Variants in RPH3AL observed in about 807,000 individuals in gnomAD.
The protein encoded by RPH3AL is rab effector Noc2.
A neutral mutation model predicts 43.1 loss-of-function variants in RPH3AL; 38 were observed. That is an observed-to-expected ratio of 0.88 (90% confidence interval 0.68 to 1.15). RPH3AL has a LOEUF of 1.15. RPH3AL is among the 50% of genes most tolerant of loss of function. The probability of loss-of-function intolerance (pLI) is 0.00; values close to 1 mark genes in which losing one functional copy is unlikely to be tolerated. For missense variants in RPH3AL, 462 were observed against 423.2 expected, an observed-to-expected ratio of 1.09 and a Z score of -0.81; for synonymous variants, 189 against 176.3, an observed-to-expected ratio of 1.07 and a Z score of -0.57.
At chr17:253,104 G>C (rs782489080) in intron 6 of RPH3AL, among the ~76,000 whole-genome samples, 5 of 152,170 alleles carry the variant, frequency 3.3e-5, no homozygotes, top group Admixed American at 6.5e-5. Context: ...ATCGGGGAAG[G>C]TTCCCAGGGA....
chr17:269,074 T>C (rs568885577), intron 6 of RPH3AL, among the ~76,000 whole-genome samples: 1 of 152,138 alleles, frequency 6.6e-6, no homozygotes, highest in Non-Finnish European at 1.5e-5. Context: ...GAGACGGGGT[T>C]TCACCGTGTT....
intron 5 of RPH3AL, among the ~76,000 whole-genome samples, chr17:292,112 G>GT (rs1332593131): frequency 1.3e-5 from 2 of 152,192 alleles, no homozygotes; most frequent in African/African-American, 4.8e-5. Flanking sequence ...GACAGCCACA[G>GT]TGGCTGACTG....
intron 6 of RPH3AL, among the ~76,000 whole-genome samples, chr17:269,180 T>C (rs1039701931): frequency 1.3e-5 from 2 of 151,732 alleles, no homozygotes; most frequent in African/African-American, 2.4e-5. Flanking sequence ...GCCTGGCCGA[T>C]TTTTTATTTT....
intron 6 of RPH3AL, among the ~76,000 whole-genome samples, chr17:268,566 T>TG (rs2042378824): frequency 7.4e-6 from 1 of 135,662 alleles, no homozygotes; most frequent in East Asian, 2.1e-4. Flanking sequence ...TTTTTTTTTT[T>TG]TTTTTTTTTT....
intron 2 of RPH3AL, chr17:332,942 G>C: frequency 8.9e-7 from 1 of 1,123,950 alleles, no homozygotes; most frequent in Non-Finnish European, 1.2e-6. Flanking sequence ...GGGGTACAGG[G>C]AACGGAACAG....
chr17:243,065 TATTG>T (rs199606888), intron 7 of RPH3AL, among the ~76,000 whole-genome samples: 5,048 of 131,078 alleles, frequency 0.039, 757 homozygotes, highest in African/African-American at 0.14. Flanking sequence ...ACCCTTCCTC[TATTG>T]ATTACCTTCC....
intron 6 of RPH3AL, among the ~76,000 whole-genome samples, chr17:251,397 C>A (rs2041899073): frequency 6.6e-6 from 1 of 152,236 alleles, no homozygotes; most frequent in Non-Finnish European, 1.5e-5. Flanking sequence ...ATTATCTCCA[C>A]TTTTCAGGTG....
intron 1 of RPH3AL, among the ~76,000 whole-genome samples, chr17:342,150 C>T (rs1345187473): frequency 6.6e-6 from 1 of 152,126 alleles, no homozygotes; most frequent in Non-Finnish European, 1.5e-5. Flanking sequence ...CAAATCAAAA[C>T]CACCATGAGA....
intron 8 of RPH3AL, among the ~76,000 whole-genome samples, chr17:219,192 CT>C (rs796389217): frequency 0.023 from 1,335 of 57,788 alleles, 6 homozygotes; most frequent in Middle Eastern, 0.071. Flanking sequence ...ATAAACAGCA[CT>C]TTTTTTTTTT....
chr17:253,036 G>A (rs1167880887), intron 6 of RPH3AL, among the ~76,000 whole-genome samples: 1 of 152,186 alleles, frequency 6.6e-6, no homozygotes, highest in Admixed American at 6.5e-5. Context: ...GTGTTTTTGG[G>A]GTGGGGACCT....
chr17:325,004 G>GT lies in RPH3AL; in HGVS notation c.77+2462dup, dbSNP rs760512898. Among the ~76,000 whole-genome samples, 6 of 152,204 alleles carry GT rather than the reference G, an allele frequency of 3.9e-5. 2 individuals are homozygous for GT. Among genetic ancestry groups the GT allele is most frequent in the East Asian group, 1.9e-4 (1 of 5,172 alleles). On this transcript the variant is annotated intron_variant, in intron 3 of 9. Transcript: ENST00000331302. ...CTCCCAAAGTGCTGGGATTACAGGT[G>GT]TGTGCCAACACGACCGGCTAATTTT...
At chr17:233,249 G>A (rs972051739) in intron 7 of RPH3AL, among the ~76,000 whole-genome samples, 2 of 152,176 alleles carry the variant, frequency 1.3e-5, no homozygotes, top group Admixed American at 6.5e-5. Context: ...TCTACCCCCC[G>A]CCTGAAATTC....
At chr17:265,869 C>T (rs1174103959) in intron 6 of RPH3AL, among the ~76,000 whole-genome samples, 1 of 152,244 alleles carries the variant, frequency 6.6e-6, no homozygotes, top group African/African-American at 2.4e-5. Context: ...GTGTTCACGC[C>T]TCGCCTTTGG....
chr17:337,534 A>G (rs2044992550), intron 1 of RPH3AL, among the ~76,000 whole-genome samples: 1 of 152,228 alleles, frequency 6.6e-6, no homozygotes, highest in Non-Finnish European at 1.5e-5. Flanking sequence ...AGACTCCTGC[A>G]GCCTTTCTTG....
chr17:314,025 C>G (rs570341812), intron 5 of RPH3AL, among the ~76,000 whole-genome samples: 2 of 152,344 alleles, frequency 1.3e-5, no homozygotes, highest in Admixed American at 6.5e-5. Context: ...AACGCCCGGA[C>G]CAGCCCACAG....
chr17:247,214 G>T lies in RPH3AL; in HGVS notation c.510C>A (p.Gly170=). ...GTCGGAAGTGGGGGTCATCAGCTCG[G>T]CCAGGGGTCTTCAGGGGCAAGATAT... ...PKYILPLKTP[G]RADDPHFRPL... is the part of the protein sequence containing the mutation. The change falls in exon 7 of 10, where the codon GGC becomes GGA. Residue 170 remains glycine, a synonymous_variant. Transcript: ENST00000331302. The T allele has an allele frequency of 6.2e-7, 1 of 1,613,738 alleles. No homozygotes were observed. The highest frequency in any genetic ancestry group is 8.5e-7 in the Non-Finnish European group (1 of 1,179,834).
At chr17:319,624 A>C in intron 4 of RPH3AL, 75 bp from the exon 5 acceptor site, 2 of 1,560,702 alleles carry the variant, frequency 1.3e-6, no homozygotes, top group East Asian at 4.5e-5. Context: ...CCGAAACCGT[A>C]CCATGCCACA....
intron 2 of RPH3AL, chr17:331,776 A>C (rs1192799834): frequency 1.6e-6 from 2 of 1,289,178 alleles, no homozygotes; most frequent in Non-Finnish European, 2.0e-6. Flanking sequence ...GAGGGCAGAA[A>C]GTCTGACCCT....
chr17:321,952 A>G (rs2044493770), intron 3 of RPH3AL, among the ~76,000 whole-genome samples: 1 of 152,224 alleles, frequency 6.6e-6, no homozygotes, highest in Non-Finnish European at 1.5e-5. Context: ...AAGAGAAGAA[A>G]AAGGGAGCTC....
Sources: allele counts gnomAD v4.1 joint callset (sites outside exome capture counted in the v4.1 genomes callset), GRCh38; gene constraint gnomAD v4.1.1; transcripts MANE v1.5; gene names NCBI Gene and HGNC (gene_info 2026-07-23, HGNC 2026-07-21).